The following DSCAML1 variants were observed in gnomAD, a reference collection of about 807,000 sequenced individuals.
DSCAML1 encodes the protein cell adhesion molecule DSCAML1.
DSCAML1 carries 38 observed loss-of-function variants against 200.5 expected under a neutral mutation model. That is an observed-to-expected ratio of 0.19 (90% CI 0.15 to 0.25). The LOEUF is 0.25. Ranked by LOEUF, DSCAML1 falls within the 10% of genes least tolerant of loss-of-function variation. The pLI is 1.00. For missense variants in DSCAML1, 2,223 were observed against 2,858.8 expected, an observed-to-expected ratio of 0.78 and a Z score of 5.07; for synonymous variants, 1,215 against 1,165.0, an observed-to-expected ratio of 1.04 and a Z score of -0.87.
At chr11:117,490,507 C>T (rs1020530315) in intron 11 of DSCAML1, among the ~76,000 whole-genome samples, 1 of 152,188 alleles carries the variant, frequency 6.6e-6, no homozygotes, top group Admixed American at 6.5e-5. Flanking sequence ...TACTTAGCAC[C>T]CCCAGATCCC....
intron 14 of DSCAML1, among the ~76,000 whole-genome samples, chr11:117,478,004 C>T (rs1205382534): frequency 6.6e-6 from 1 of 152,246 alleles, no homozygotes; most frequent in Middle Eastern, 3.2e-3. Flanking sequence ...CCTTCCCCAC[C>T]CATCCTGGCA....
intron 1 of DSCAML1, among the ~76,000 whole-genome samples, chr11:117,795,802 G>C (rs909532798): frequency 2.6e-5 from 4 of 152,220 alleles, no homozygotes; most frequent in Non-Finnish European, 4.4e-5. Context: ...CACCGGCAGG[G>C]CAGGGTTGGA....
intron 8 of DSCAML1, among the ~76,000 whole-genome samples, chr11:117,513,846 ACTGT>A (rs2049700257): frequency 2.0e-5 from 3 of 151,828 alleles, no homozygotes; most frequent in Non-Finnish European, 4.4e-5. Flanking sequence ...CAAAGCACAC[ACTGT>A]CTGGCACTGT....
chr11:117,465,762 AT>A (rs1180552650), intron 16 of DSCAML1, among the ~76,000 whole-genome samples: 3 of 151,898 alleles, frequency 2.0e-5, no homozygotes, highest in African/African-American at 7.3e-5. Flanking sequence ...GAATGAATGA[AT>A]GAATGAATGA....
At chr11:117,668,309 T>C (rs2137663417) in intron 3 of DSCAML1, among the ~76,000 whole-genome samples, 1 of 152,178 alleles carries the variant, frequency 6.6e-6, no homozygotes, top group South Asian at 2.1e-4. Context: ...ATGCCTCCTA[T>C]CTCTCTGCAG....
chr11:117,757,726 C>T (rs1037263169), intron 3 of DSCAML1, among the ~76,000 whole-genome samples: 3 of 152,106 alleles, frequency 2.0e-5, no homozygotes, highest in African/African-American at 7.2e-5. Context: ...ACCTGTAATC[C>T]TCAAAATCAC....
intron 3 of DSCAML1, among the ~76,000 whole-genome samples, chr11:117,752,917 C>T (rs1482140980): frequency 1.3e-5 from 2 of 152,158 alleles, no homozygotes; most frequent in Non-Finnish European, 2.9e-5. Context: ...CCAGCAAAAA[C>T]GAGTCTCTAG....
intron 7 of DSCAML1, among the ~76,000 whole-genome samples, chr11:117,517,865 C>A (rs2049805353): frequency 6.6e-6 from 1 of 152,182 alleles, no homozygotes; most frequent in Admixed American, 6.5e-5. Flanking sequence ...GACTCCTTTC[C>A]CCACTCTTGG....
At chr11:117,717,470 G>T (rs2053970755) in intron 3 of DSCAML1, among the ~76,000 whole-genome samples, 2 of 152,220 alleles carry the variant, frequency 1.3e-5, no homozygotes, top group Admixed American at 6.5e-5. Context: ...TCTCAGGCAG[G>T]TTCCAACTGA....
chr11:117,490,222 A>G (rs1424074736), intron 11 of DSCAML1, among the ~76,000 whole-genome samples: 1 of 152,150 alleles, frequency 6.6e-6, no homozygotes. Flanking sequence ...GAAACAAGAC[A>G]GTTGTCAGAA....
chr11:117,580,403 G>GT (rs2051018342), intron 3 of DSCAML1, among the ~76,000 whole-genome samples: 1 of 152,232 alleles, frequency 6.6e-6, no homozygotes, highest in Admixed American at 6.5e-5. Context: ...ACTCTGGACT[G>GT]TGTGTTGGCT....
At chr11:117,735,347 A>G (rs185138030) in intron 3 of DSCAML1, among the ~76,000 whole-genome samples, 5 of 152,298 alleles carry the variant, frequency 3.3e-5, no homozygotes, top group Non-Finnish European at 5.9e-5. Flanking sequence ...TCTTATTCCA[A>G]ATCTCACAGG....
chr11:117,443,057 G>C (rs1592584675), intron 21 of DSCAML1, among the ~76,000 whole-genome samples: 1 of 152,320 alleles, frequency 6.6e-6, no homozygotes, highest in Admixed American at 6.5e-5. Context: ...GAGTGGCCCC[G>C]GTAGGCTGGC....
At chr11:117,741,489 G>C (rs2054422471) in intron 3 of DSCAML1, among the ~76,000 whole-genome samples, 1 of 152,238 alleles carries the variant, frequency 6.6e-6, no homozygotes, top group Non-Finnish European at 1.5e-5. Context: ...AATTTATTGT[G>C]TTAAGCCATT....
chr11:117,442,641 A>G (rs2048092223), intron 21 of DSCAML1, among the ~76,000 whole-genome samples: 2 of 152,116 alleles, frequency 1.3e-5, no homozygotes, highest in Admixed American at 1.3e-4. Flanking sequence ...GTGTTTATTT[A>G]ATGCCCCCAG....
intron 3 of DSCAML1, among the ~76,000 whole-genome samples, chr11:117,726,266 CGTGTGTGT>C (rs112110901): frequency 1.4e-5 from 2 of 145,718 alleles, no homozygotes; most frequent in African/African-American, 5.1e-5. Flanking sequence ...TGTGTGTGTG[CGTGTGTGT>C]GTGTGTGTGT....
At chr11:117,435,859 A>C in intron 26 of DSCAML1, 60 bp from the exon 27 acceptor site, 1 of 1,540,646 alleles carries the variant, frequency 6.5e-7, no homozygotes, top group Non-Finnish European at 8.8e-7. Flanking sequence ...TGTGCAGAAC[A>C]TCTCATGGGT....
intron 27 of DSCAML1, 151 bp from the exon 28 acceptor site, chr11:117,433,622 A>G: frequency 1.3e-6 from 1 of 771,202 alleles, no homozygotes; most frequent in Non-Finnish European, 2.0e-6. Flanking sequence ...GTAAGGACCT[A>G]CAAAACAGCC....
intron 3 of DSCAML1, among the ~76,000 whole-genome samples, chr11:117,578,349 C>T (rs1217131724): frequency 6.6e-6 from 1 of 151,814 alleles, no homozygotes; most frequent in Non-Finnish European, 1.5e-5. Context: ...GTCTCCTTTC[C>T]TGCTTCCTCC....
Sources: allele counts gnomAD v4.1 joint callset (sites outside exome capture counted in the v4.1 genomes callset), GRCh38; gene constraint gnomAD v4.1.1; transcripts MANE v1.5; gene names NCBI Gene and HGNC (gene_info 2026-07-23, HGNC 2026-07-21).